Variants in RIMS2 observed in about 807,000 individuals in gnomAD.
RIMS2 encodes the protein regulating synaptic membrane exocytosis protein 2.
In RIMS2, 59 loss-of-function variants were observed where a neutral mutation model predicts 174.4. The observed-to-expected ratio is 0.34, with a 90% CI of 0.27 to 0.42. The LOEUF is 0.42. Among genes scored for constraint, RIMS2 ranks in the 10% least tolerant of loss-of-function variants. The pLI, the probability that RIMS2 is intolerant of heterozygous loss-of-function variation, is 1.00. For missense variants in RIMS2, 1,620 were observed against 1,666.3 expected (o/e 0.97, Z 0.48); for synonymous variants, 606 against 572.5 (o/e 1.06, Z -0.84).
chr8:104,201,535 G>A (rs1220142228), intron 19 of RIMS2, among the ~76,000 whole-genome samples: 1 of 152,136 alleles, frequency 6.6e-6, no homozygotes, highest in Admixed American at 6.5e-5. Flanking sequence ...AGACATTTTA[G>A]AAATGTAAGA....
chr8:103,752,259 G>A (rs918814927), intron 2 of RIMS2, among the ~76,000 whole-genome samples: 11 of 152,066 alleles, frequency 7.2e-5, no homozygotes, highest in African/African-American at 1.9e-4. Context: ...TCAGATAGTT[G>A]TAGATATGCA....
At chr8:103,814,337 CTGTTTGA>C (rs144699795) in intron 3 of RIMS2, among the ~76,000 whole-genome samples, 23,759 of 151,378 alleles carry the variant, frequency 0.16, 1,944 homozygotes, top group Middle Eastern at 0.24. Flanking sequence ...ATCTGTACAA[CTGTTTGA>C]AAACCTCCAT....
At chr8:103,716,588 T>G (rs2097370935) in intron 2 of RIMS2, among the ~76,000 whole-genome samples, 1 of 152,074 alleles carries the variant, frequency 6.6e-6, no homozygotes, top group Non-Finnish European at 1.5e-5. Context: ...ATTTAGCATT[T>G]TTTTCAAGGA....
intron 1 of RIMS2, among the ~76,000 whole-genome samples, chr8:103,554,731 A>C (rs1278709073): frequency 2.0e-5 from 3 of 152,190 alleles, no homozygotes; most frequent in Non-Finnish European, 4.4e-5. Flanking sequence ...AGACACACGG[A>C]GATGTATGTC....
intron 2 of RIMS2, among the ~76,000 whole-genome samples, chr8:103,738,621 G>T (rs2097718183): frequency 6.6e-6 from 1 of 152,122 alleles, no homozygotes; most frequent in South Asian, 2.1e-4. Flanking sequence ...GAAAATTTTT[G>T]CAATCTACTC....
chr8:103,641,216 G>T (rs769134), intron 1 of RIMS2, among the ~76,000 whole-genome samples: 9,924 of 152,012 alleles, frequency 0.065, 398 homozygotes, highest in South Asian at 0.088. Flanking sequence ...ACAATACATT[G>T]CTTGGTGTTA....
At chr8:104,118,339 G>A (rs28606600) in intron 19 of RIMS2, among the ~76,000 whole-genome samples, 31,184 of 146,642 alleles carry the variant, frequency 0.21, 3,748 homozygotes, top group East Asian at 0.58. Flanking sequence ...GGGGTTTTTT[G>A]TTTGTTTATT....
intron 1 of RIMS2, among the ~76,000 whole-genome samples, chr8:103,583,154 G>A (rs986915275): frequency 2.1e-4 from 32 of 152,170 alleles, no homozygotes; most frequent in Admixed American, 2.0e-3. Context: ...ATAATCCAGA[G>A]AATTCTCCTG....
At position 103,715,569 on chromosome 8, in the gene RIMS2, A is replaced by G. The variant is rs117673189; in HGVS notation, c.387+18273A>G. ...TTGTATCAGCCATTATTATTGCATTATCACTTTCACTGTTATCGTTACTTT... is the reference window on the plus strand; with the variant it reads ...TTGTATCAGCCATTATTATTGCATTGTCACTTTCACTGTTATCGTTACTTT... On this transcript the variant is annotated intron_variant, in intron 2 of 23. Transcript: ENST00000504942. Among the ~76,000 whole-genome samples, 697 of 152,310 alleles carry G rather than the reference A, an allele frequency of 4.6e-3. 3 individuals carry two copies. Among genetic ancestry groups the G allele is most frequent in the Middle Eastern group, 0.01 (3 of 294 alleles).
chr8:103,552,296 A>C (rs1587542884), intron 1 of RIMS2, among the ~76,000 whole-genome samples: 2 of 151,348 alleles, frequency 1.3e-5, no homozygotes, highest in South Asian at 4.2e-4. Context: ...GAAATAATAC[A>C]CATCTACAAC....
At chr8:104,144,689 C>T (rs2098616212) in intron 19 of RIMS2, among the ~76,000 whole-genome samples, 2 of 151,934 alleles carry the variant, frequency 1.3e-5, no homozygotes, top group South Asian at 4.1e-4. Context: ...TATATTTTTC[C>T]CCTAAAAATA....
chr8:103,986,988 A>G (rs1244836362), intron 16 of RIMS2, among the ~76,000 whole-genome samples: 1 of 152,112 alleles, frequency 6.6e-6, no homozygotes, highest in Non-Finnish European at 1.5e-5. Flanking sequence ...AGAATTCCAG[A>G]CTAAAAAGTA....
chr8:104,238,480 A>G lies in RIMS2; in HGVS notation c.3335-6436A>G, dbSNP rs77539849. 2.0e-5 allele frequency among the ~76,000 whole-genome samples: 3 copies of G among 152,104 alleles called. No individual in the cohort carries two copies. The South Asian group carries it at 6.2e-4, about 32-fold the overall frequency. ...TAAAGTAAAATTAAAAAAAAAAAAA[A>G]TCTGCTGAGGGGAGAGAAGTCATGT... On this transcript the variant is annotated intron_variant, in intron 19 of 23. Transcript: ENST00000504942.
chr8:103,608,603 T>C (rs2134074924), intron 1 of RIMS2, among the ~76,000 whole-genome samples: 1 of 150,320 alleles, frequency 6.7e-6, no homozygotes, highest in African/African-American at 2.5e-5. Context: ...GCTGCCGCCT[T>C]GCAGTTTGAT....
chr8:104,077,438 T>A (rs1018321253), intron 19 of RIMS2, among the ~76,000 whole-genome samples: 1 of 151,708 alleles, frequency 6.6e-6, no homozygotes, highest in Non-Finnish European at 1.5e-5. Context: ...TTTAAAAAAA[T>A]GATACTTTTA....
intron 3 of RIMS2, among the ~76,000 whole-genome samples, chr8:103,796,822 G>T (rs1021938760): frequency 2.0e-5 from 3 of 152,140 alleles, no homozygotes; most frequent in Non-Finnish European, 2.9e-5. Context: ...GTAGCTTTAG[G>T]CCTGTGCATT....
At position 103,675,572 on chromosome 8, in the gene RIMS2, A is replaced by G. The variant is rs1176926603; in HGVS notation, c.177-21514A>G. On this transcript the variant is annotated intron_variant, in intron 1 of 23. Transcript: ENST00000504942. ...CATAAGTTCACCGTCAAATTAAACA[A>G]GTATTAAAAATATTAAGGAAGCAGC... Among the ~76,000 whole-genome samples the G allele has an allele frequency of 3.3e-5, 5 of 152,320 alleles. No individual in the cohort carries two copies. The Middle Eastern group carries it at 0.01, about 311-fold the overall frequency.
In RIMS2 at chr8:103,561,553, A is replaced by T. The variant is rs539343893; in HGVS notation, c.176+60491A>T. ...ACCCATCGAAAGACATTTCTTGTTT[A>T]AAAAAAACCCCCAAACCACAGCACC... On this transcript the variant is annotated intron_variant, in intron 1 of 23. Transcript: ENST00000504942. Among the ~76,000 whole-genome samples the T allele has an allele frequency of 3.5e-4, 54 of 152,148 alleles. 1 individual carries two copies. The South Asian group carries it at 7.5e-3, about 21-fold the overall frequency.
At chr8:103,609,533 A>T (rs2095291277) in intron 1 of RIMS2, among the ~76,000 whole-genome samples, 1 of 152,168 alleles carries the variant, frequency 6.6e-6, no homozygotes, top group African/African-American at 2.4e-5. Context: ...CTGTTTGGAT[A>T]TGGTATAAAG....
Sources: allele counts gnomAD v4.1 joint callset (sites outside exome capture counted in the v4.1 genomes callset), GRCh38; gene constraint gnomAD v4.1.1; transcripts MANE v1.5; gene names NCBI Gene and HGNC (gene_info 2026-07-23, HGNC 2026-07-21).